The following LETM1 variants were observed in gnomAD, a reference collection of about 807,000 sequenced individuals.
LETM1 encodes mitochondrial proton/calcium exchanger protein.
LETM1 carries 50 observed loss-of-function variants against 74.5 expected under a neutral mutation model. The ratio of observed to expected loss-of-function variants is 0.67; its 90% CI spans 0.53 to 0.85. LETM1 has a LOEUF of 0.85. Ranked by LOEUF, LETM1 falls within the 40% of genes least tolerant of loss-of-function variation. LETM1 has a pLI of 0.00. For missense variants in LETM1, 824 were observed against 967.8 expected (o/e 0.85, Z 1.97); for synonymous variants, 446 against 407.1 (o/e 1.10, Z -1.15).
intron 1 of LETM1, among the ~76,000 whole-genome samples, chr4:1,854,220 G>A (rs1261184735): frequency 3.3e-5 from 5 of 152,154 alleles, no homozygotes; most frequent in African/African-American, 7.2e-5. Context: ...GGTGGCTCAC[G>A]CCTGTAATCC....
Position 1,816,724 on chromosome 4 carries a change from C to A in LETM1, c.1931+3G>T. 1.2e-6 allele frequency: 2 copies of A among 1,612,788 alleles called. No homozygotes were observed. The highest frequency in any genetic ancestry group is 8.5e-7 in the Non-Finnish European group (1 of 1,178,872). ...CCTCTCCCGCGCCCACCACCCCACT[C>A]ACCCCGTGGGCATGCCGTTGGCCGG... On this transcript the variant is annotated splice_donor_region_variant and intron_variant, in intron 12 of 13. Coordinates refer to ENST00000302787, the MANE Select transcript of LETM1 (RefSeq NM_012318.3).
chr4:1,824,357 C>T (rs763586103), intron 7 of LETM1, among the ~76,000 whole-genome samples: 29 of 152,260 alleles, frequency 1.9e-4, no homozygotes, highest in African/African-American at 1.9e-4. Context: ...TCAACATATA[C>T]GGGCCCGCAG....
chr4:1,837,150 C>T (rs897934068), intron 3 of LETM1, among the ~76,000 whole-genome samples: 1 of 152,200 alleles, frequency 6.6e-6, no homozygotes, highest in Non-Finnish European at 1.5e-5. Context: ...GAAAACAGCG[C>T]GGGTGATGCT....
chr4:1,838,102 T>C (rs1577321932), intron 3 of LETM1, among the ~76,000 whole-genome samples: 1 of 152,230 alleles, frequency 6.6e-6, no homozygotes, highest in African/African-American at 2.4e-5. Context: ...TCTTTTTTTT[T>C]ACTTTTTATT....
intron 8 of LETM1, 55 bp from the exon 9 acceptor site, chr4:1,823,186 TG>T: frequency 6.6e-7 from 1 of 1,525,390 alleles, no homozygotes; most frequent in Non-Finnish European, 8.8e-7. Flanking sequence ...AGGCCCCTGC[TG>T]CCCCTCACCT....
intron 11 of LETM1, among the ~76,000 whole-genome samples, chr4:1,818,303 G>GA (rs1711641798): frequency 6.6e-6 from 1 of 152,072 alleles, no homozygotes; most frequent in Non-Finnish European, 1.5e-5. Context: ...ACAGAGCTAT[G>GA]AAAACAGTTT....
rs554081045 is a variant in LETM1, at chr4:1,814,185, C to T, written c.*239G>A. On this transcript the variant is annotated 3_prime_UTR_variant, in exon 14 of 14. Coordinates refer to ENST00000302787, the MANE Select transcript of LETM1 (RefSeq NM_012318.3). Reference sequence around the variant, plus strand: ...CCAGCTGCCTCTGGAGCCAGGAGGCCGTGGCAGCCACACCACAGTGTGGAT... The same window carrying T: ...CCAGCTGCCTCTGGAGCCAGGAGGCTGTGGCAGCCACACCACAGTGTGGAT... The T allele has an allele frequency of 7.6e-5, 47 of 621,340 alleles. No individual in the cohort carries two copies. The African/African-American group carries it at 7.9e-4, about 10-fold the overall frequency. 38.5% of individuals were successfully genotyped at this position (621,340 alleles called of 1,614,324 possible).
rs762464666 is a variant in LETM1, at chr4:1,836,510, C to T, written c.657G>A (p.Pro219=). 24 of 1,613,762 alleles carry T rather than the reference C, an allele frequency of 1.5e-5. No homozygotes were observed. The Middle Eastern group carries it at 6.6e-4, about 44-fold the overall frequency. Residue 219 remains proline, a synonymous_variant, in exon 4 of 14, where the codon CCG becomes CCA. Coordinates refer to ENST00000302787, the MANE Select transcript of LETM1 (RefSeq NM_012318.3). The surrounding 1 kb of genome is among the most constrained non-coding windows in gnomAD (Gnocchi z 5.8). ...LVPFLVFVVV[P]FMEFLLPVAV... is the part of the protein sequence containing the mutation. Reference sequence around the variant, plus strand: ...CAACAGGCAGCAGAAACTCCATGAACGGCACCACCACGAACACAAGGAACG... The same window carrying T: ...CAACAGGCAGCAGAAACTCCATGAATGGCACCACCACGAACACAAGGAACG...
intron 7 of LETM1, 26 bp downstream of exon 7, chr4:1,825,538 C>G: frequency 6.3e-7 from 1 of 1,594,728 alleles, no homozygotes; most frequent in Non-Finnish European, 8.6e-7. Context: ...CCGTGCCGGC[C>G]TGGCACCAGG....
chr4:1,812,390 A>AAAG lies in LETM1; in HGVS notation c.*2033_*2034insCTT, dbSNP rs1722495774. On this transcript the variant is annotated 3_prime_UTR_variant, in exon 14 of 14. Coordinates refer to ENST00000302787, the MANE Select transcript of LETM1 (RefSeq NM_012318.3). ...AAAAAAAAAAAAAAAAAAAAAAAAA[A>AAAG]GTGAGTGCTTAGCTGGAGTGAGGAG... 7.9e-6 allele frequency: 1 copy of AAAG among 126,328 alleles called. No individual in the cohort carries two copies. Among genetic ancestry groups the AAAG allele is most frequent in the Non-Finnish European group, 1.7e-5 (1 of 59,342 alleles). The allele number at this position is 126,328 out of a possible 1,614,324, so 7.8% of individuals were successfully genotyped here.
intron 1 of LETM1, among the ~76,000 whole-genome samples, chr4:1,853,891 C>G (rs375875722): frequency 6.6e-6 from 1 of 152,182 alleles, no homozygotes; most frequent in Non-Finnish European, 1.5e-5. Context: ...AGCAGACCTG[C>G]CAGTGTCCCT....
At chr4:1,817,115 A>C (rs1711594001) in intron 11 of LETM1, among the ~76,000 whole-genome samples, 1 of 152,038 alleles carries the variant, frequency 6.6e-6, no homozygotes, top group South Asian at 2.1e-4. Flanking sequence ...GCATGATGGC[A>C]GGCACCTGTA....
At position 1,823,100 on chromosome 4, in the gene LETM1, A is replaced by G; in HGVS notation, c.1364T>C (p.Val455Ala). The G allele has an allele frequency of 1.2e-6, 2 of 1,605,842 alleles. No homozygotes were observed. The highest frequency in any genetic ancestry group is 1.7e-6 in the Non-Finnish European group (2 of 1,175,506). ...CTTGTTGTCCACCTGCTCGCCCTCC[A>G]CCTCGGCCACTTTCACCTGTGCTTC... The part of the protein sequence containing the change: ...AKEAQVKVAE[V>A]EGEQVDNKAK... The change falls in exon 9 of 14, where the codon GTG becomes GCG. Residue 455 changes from valine to alanine, a missense_variant. Physicochemically the swap from Val to Ala is moderately conservative, Grantham distance 64 (BLOSUM62 0). Coordinates refer to ENST00000302787, the MANE Select transcript of LETM1 (RefSeq NM_012318.3).
chr4:1,832,011 G>C (rs1712288229), intron 6 of LETM1, among the ~76,000 whole-genome samples: 1 of 152,170 alleles, frequency 6.6e-6, no homozygotes, highest in African/African-American at 2.4e-5. Flanking sequence ...ATGAATAAAA[G>C]AGTAACCAGC....
chr4:1,822,974 G>A lies in LETM1; in HGVS notation c.1476+14C>T. ...GGACAGCCCCACGCGGCACGGAGCA[G>A]GACCACCGCTTACCGCCACCTCCGA... On this transcript the variant is annotated intron_variant, in intron 9 of 13. Coordinates refer to ENST00000302787, the MANE Select transcript of LETM1 (RefSeq NM_012318.3). The A allele has an allele frequency of 6.5e-7, 1 of 1,538,094 alleles. No homozygotes were observed. The highest frequency in any genetic ancestry group is 8.8e-7 in the Non-Finnish European group (1 of 1,138,188).
intron 6 of LETM1, among the ~76,000 whole-genome samples, chr4:1,829,607 G>T (rs886760763): frequency 1.4e-4 from 22 of 152,212 alleles, no homozygotes; most frequent in African/African-American, 5.3e-4. Flanking sequence ...TTGAGCCCAG[G>T]AGTTCCAGAC....
intron 8 of LETM1, 63 bp from the exon 9 acceptor site, chr4:1,823,194 A>G: frequency 1.3e-6 from 2 of 1,506,118 alleles, no homozygotes; most frequent in Admixed American, 2.0e-5. Flanking sequence ...GCTGCCCCTC[A>G]CCTCTGTCCT....
intron 6 of LETM1, among the ~76,000 whole-genome samples, chr4:1,828,162 T>C (rs1392949051): frequency 1.2e-4 from 9 of 73,886 alleles, no homozygotes; most frequent in East Asian, 4.7e-4. Flanking sequence ...CACTTCCCAG[T>C]AGGGGCGGCC....
chr4:1,832,932 C>CT lies in LETM1; in HGVS notation c.891_892insA (p.Glu298ArgfsTer6). The CT allele has an allele frequency of 6.2e-7, 1 of 1,612,216 alleles. No individual in the cohort carries two copies. The highest frequency in any genetic ancestry group is 8.5e-7 in the Non-Finnish European group (1 of 1,179,926). ...ATGATTTCCTCATTGCTGGGCCTCT[C>CT]CCCTGTTTCCCGGATCTGCGGAAGT... is the stretch of plus-strand genomic sequence containing the variant. On this transcript the variant is annotated frameshift_variant, in exon 6 of 14. Coordinates refer to ENST00000302787, the MANE Select transcript of LETM1 (RefSeq NM_012318.3). LOFTEE classifies it high-confidence loss of function.
Sources: allele counts gnomAD v4.1 joint callset (sites outside exome capture counted in the v4.1 genomes callset), GRCh38; gene constraint gnomAD v4.1.1; non-coding constraint Gnocchi (gnomAD v3.1); transcripts MANE v1.5; gene names NCBI Gene and HGNC (gene_info 2026-07-23, HGNC 2026-07-21).